The following COL5A1 variants were observed in gnomAD, a reference collection of about 807,000 sequenced individuals.
The protein encoded by COL5A1 is collagen type V alpha 1 chain.
A neutral mutation model predicts 263.7 loss-of-function variants in COL5A1; 16 were observed. That is an observed-to-expected ratio of 0.06 (90% CI 0.04 to 0.09). COL5A1 has a LOEUF of 0.09. Among genes scored for constraint, COL5A1 ranks in the 10% least tolerant of loss-of-function variants. The probability of loss-of-function intolerance (pLI) is 1.00; values close to 1 mark genes in which losing one functional copy is unlikely to be tolerated. For synonymous variants in COL5A1, 1,012 were observed against 1,004.5 expected, an observed-to-expected ratio of 1.01 and a Z score of -0.14; for missense variants, 2,036 against 2,540.5, an observed-to-expected ratio of 0.80 and a Z score of 4.27.
chr9:134,814,464 T>C (rs1267396480), intron 49 of COL5A1, among the ~76,000 whole-genome samples: 2 of 152,152 alleles, frequency 1.3e-5, no homozygotes, highest in Non-Finnish European at 2.9e-5. Context: ...TTCTAGCTGC[T>C]CCCTCCCCAT....
chr9:134,699,328 A>C (rs1833587664), intron 2 of COL5A1, among the ~76,000 whole-genome samples: 2 of 152,224 alleles, frequency 1.3e-5, no homozygotes, highest in Admixed American at 1.3e-4. Flanking sequence ...AATTTGGATT[A>C]AATTCTTTTG....
At position 134,714,213 on chromosome 9, in the gene COL5A1, G is replaced by A. The variant is rs571417799; in HGVS notation, c.654+12880G>A. 7.9e-5 allele frequency among the ~76,000 whole-genome samples: 12 copies of A among 152,200 alleles called. 1 individual carries two copies. The East Asian group carries it at 1.9e-3, about 25-fold the overall frequency. On this transcript the variant is annotated intron_variant, in intron 4 of 65. Transcript: ENST00000371817. ...GCCTTCATGCTACAGAGGCATGTTC[G>A]GGAAAGGCTGGTGAGCCTTTCTCAG... is the stretch of plus-strand genomic sequence containing the variant.
At chr9:134,727,237 C>G in intron 4 of COL5A1, 29 bp from the exon 5 acceptor site, 1 of 1,612,324 alleles carries the variant, frequency 6.2e-7, no homozygotes, top group South Asian at 1.1e-5. Flanking sequence ...CTGTGAGCTG[C>G]TTTTTCATGA....
chr9:134,785,245 C>A, intron 30 of COL5A1, 149 bp downstream of exon 30: 1 of 636,874 alleles, frequency 1.6e-6, no homozygotes, highest in Non-Finnish European at 2.8e-6. Flanking sequence ...TGGGTTCTCT[C>A]TGCTGTTCCT....
rs1244775843 is a variant in COL5A1, at chr9:134,821,175, G to A, written c.4555-922G>A. On this transcript the variant is annotated intron_variant, in intron 58 of 65. Coordinates refer to ENST00000371817, the MANE Select transcript of COL5A1 (RefSeq NM_000093.5). The surrounding 1 kb of genome is among the most constrained non-coding windows in gnomAD (Gnocchi z 4.2). ...GTGCCGCCCAGGGTGTGGTGGCCCG[G>A]CAACCACGAGAATTAGAGAGGCATC... 6.6e-6 allele frequency among the ~76,000 whole-genome samples: 1 copy of A among 152,132 alleles called. No individual in the cohort carries two copies. The highest frequency in any genetic ancestry group is 2.4e-5 in the African/African-American group (1 of 41,420).
At chr9:134,828,709 A>AC (rs1288174930) in intron 63 of COL5A1, among the ~76,000 whole-genome samples, 6 of 610 alleles carry the variant, frequency 9.8e-3, no homozygotes, top group African/African-American at 0.029. Context: ...TACCACACAT[A>AC]GATACGCACC....
At chr9:134,799,054 G>A (rs1005036984) in intron 37 of COL5A1, among the ~76,000 whole-genome samples, 152 of 152,292 alleles carry the variant, frequency 1.0e-3, no homozygotes, top group Non-Finnish European at 4.9e-4. Context: ...GAAAACAAGC[G>A]CCAGTCAGGT....
At chr9:134,828,910 TAC>T (rs1214045591) in intron 63 of COL5A1, among the ~76,000 whole-genome samples, 6 of 146,712 alleles carry the variant, frequency 4.1e-5, no homozygotes, top group African/African-American at 1.3e-4. Flanking sequence ...ACACACAGCA[TAC>T]ACAGATACAC....
intron 42 of COL5A1, among the ~76,000 whole-genome samples, chr9:134,807,153 C>A (rs1286275420): frequency 6.6e-6 from 1 of 152,224 alleles, no homozygotes; most frequent in Non-Finnish European, 1.5e-5. Context: ...TCAATCAGCT[C>A]TGGAGACCAA....
chr9:134,706,057 G>A (rs1463684968), intron 4 of COL5A1, among the ~76,000 whole-genome samples: 1 of 152,240 alleles, frequency 6.6e-6, no homozygotes, highest in African/African-American at 2.4e-5. Flanking sequence ...CCCCTGTGGA[G>A]CTGGCAGGAG....
intron 34 of COL5A1, 92 bp from the exon 35 acceptor site, chr9:134,796,282 G>C: frequency 2.1e-6 from 3 of 1,398,708 alleles, no homozygotes; most frequent in Non-Finnish European, 3.1e-6. Flanking sequence ...GGCAATATTT[G>C]ACTCAGACGT....
rs1395864769 is a variant in COL5A1 at position 134,821,093 on chromosome 9, G to A, written c.4554+870G>A. On this transcript the variant is annotated intron_variant, in intron 58 of 65. Coordinates refer to ENST00000371817, the MANE Select transcript of COL5A1 (RefSeq NM_000093.5). The surrounding 1 kb of genome is among the most constrained non-coding windows in gnomAD (Gnocchi z 4.2). Reference sequence around the variant, plus strand: ...TACCTCACTGGCCAGTGTCCTCCATGCCATTGACTGTTTTCCTCTGCCGGT... The same window carrying A: ...TACCTCACTGGCCAGTGTCCTCCATACCATTGACTGTTTTCCTCTGCCGGT... Among the ~76,000 whole-genome samples the A allele has an allele frequency of 6.6e-6, 1 of 152,114 alleles. No individual in the cohort carries two copies. Among genetic ancestry groups the A allele is most frequent in the Non-Finnish European group, 1.5e-5 (1 of 68,020 alleles).
chr9:134,740,751 G>A (rs1016533112), intron 11 of COL5A1, among the ~76,000 whole-genome samples: 2 of 152,152 alleles, frequency 1.3e-5, no homozygotes, highest in Non-Finnish European at 2.9e-5. Flanking sequence ...GTCACTGGTG[G>A]GTGGCCCTGC....
intron 26 of COL5A1, 125 bp from the exon 27 acceptor site, chr9:134,774,734 C>A: frequency 1.0e-6 from 1 of 981,680 alleles, no homozygotes; most frequent in Non-Finnish European, 1.6e-6. Context: ...TCTCTGGAGG[C>A]TCTGAGCTGG....
At chr9:134,839,940 G>T (rs918214622) in intron 65 of COL5A1, among the ~76,000 whole-genome samples, 2 of 152,240 alleles carry the variant, frequency 1.3e-5, no homozygotes, top group Non-Finnish European at 1.5e-5. Flanking sequence ...GCTGTGTTCT[G>T]CAGGGCTGAG....
At chr9:134,734,207 C>G (rs1451594498) in intron 9 of COL5A1, among the ~76,000 whole-genome samples, 1 of 152,116 alleles carries the variant, frequency 6.6e-6, no homozygotes, top group South Asian at 2.1e-4. Context: ...GGCCGAGAGT[C>G]GAGGTGGCCC....
intron 20 of COL5A1, among the ~76,000 whole-genome samples, chr9:134,764,087 G>A (rs1296158467): frequency 3.5e-5 from 5 of 142,252 alleles, no homozygotes; most frequent in Non-Finnish European, 3.1e-5. Flanking sequence ...GGGCATCGTG[G>A]TGGGGTCCGG....
chr9:134,832,241 A>G (rs1449925810), intron 64 of COL5A1, among the ~76,000 whole-genome samples: 1 of 152,124 alleles, frequency 6.6e-6, no homozygotes, highest in Non-Finnish European at 1.5e-5. Flanking sequence ...CCCCATCTCT[A>G]CTAAAAATAC....
chr9:134,727,315 A>G lies in COL5A1; in HGVS notation c.704A>G (p.Asp235Gly), dbSNP rs1439226173. ...GTCTCGGACCACCGGGCAGCTTATG[A>G]TTACTGTGAGCACTACAGCCCTGAC... ...LFVSDHRAAYDYCEHYSPDCD... is the reference protein window; with the variant it reads ...LFVSDHRAAYGYCEHYSPDCD... The change falls in exon 5 of 66, where the codon GAT becomes GGT. Residue 235 changes from aspartate to glycine, a missense_variant. This residue lies in a region of COL5A1 where 600 missense variants were observed against 634.5 expected (regional missense o/e 0.95). Transcript: ENST00000371817. 1 of 1,613,966 alleles carries G rather than the reference A, an allele frequency of 6.2e-7. No homozygotes were observed. The highest frequency in any genetic ancestry group is 8.5e-7 in the Non-Finnish European group (1 of 1,179,956).
Sources: gnomAD v4.1 joint callset for allele counts (sites outside exome capture counted in the v4.1 genomes callset) on GRCh38, gnomAD v4.1.1 for gene constraint, gnomAD v4.1.1 regional missense constraint, Gnocchi (gnomAD v3.1) non-coding constraint, MANE v1.5 for transcripts, NCBI Gene and HGNC (gene_info 2026-07-23, HGNC 2026-07-21) for gene names.